Variants in TOMM20L observed in about 807,000 individuals in gnomAD.
The protein encoded by TOMM20L is TOMM20-like protein 1.
In TOMM20L, 19 loss-of-function variants were observed where a neutral mutation model predicts 20.4. The observed-to-expected ratio is 0.93, with a 90% CI of 0.65 to 1.36. The LOEUF (loss-of-function observed/expected upper bound fraction) is 1.36. Among genes scored for constraint, TOMM20L ranks in the 40% most tolerant of loss-of-function variants. The pLI, the probability that TOMM20L is intolerant of heterozygous loss-of-function variation, is 0.00. For synonymous variants in TOMM20L, 75 were observed against 79.6 expected, an observed-to-expected ratio of 0.94 and a Z score of 0.30; for missense variants, 218 against 203.7, an observed-to-expected ratio of 1.07 and a Z score of -0.43.
rs869260438 is a variant in TOMM20L, at chr14:58,399,885, C to CATATATATAT, written c.181-2760_181-2751dup. On this transcript the variant is annotated intron_variant, in intron 2 of 4. Coordinates refer to ENST00000360945, the MANE Select transcript of TOMM20L (RefSeq NM_207377.3). ...ATTCTTATTTTCAAATGCTCTATTG[C>CATATATATAT]ATATATATATATATATATATATATA... 3.2e-3 allele frequency among the ~76,000 whole-genome samples: 121 copies of CATATATATAT among 37,310 alleles called. 8 individuals are homozygous for CATATATATAT. Among genetic ancestry groups the CATATATATAT allele is most frequent in the East Asian group, 4.1e-3 (4 of 966 alleles). The allele number at this position is 37,310 out of a possible 152,430, so 24.5% of individuals were successfully genotyped here.
At chr14:58,411,824 ACTGC>A, downstream of TOMM20L, 2 of 1,320,518 alleles carry the variant, frequency 1.5e-6, no homozygotes, top group Non-Finnish European at 2.2e-6. Flanking sequence ...GATGTGAGCC[ACTGC>A]ACCCAGCCTG....
downstream of TOMM20L, chr14:58,410,792 T>TA (rs1566746452): frequency 2.4e-6 from 3 of 1,266,724 alleles, no homozygotes; most frequent in Admixed American, 2.0e-5. Context: ...GGATCCTACT[T>TA]AGAGTGTTTA....
intron 3 of TOMM20L, 41 bp from the exon 4 acceptor site, chr14:58,407,285 G>A (rs185817476): frequency 1.0e-5 from 16 of 1,555,186 alleles, no homozygotes; most frequent in Non-Finnish European, 1.4e-5. Flanking sequence ...CTGTTTTAAA[G>A]AACTTCAAAA....
At chr14:58,411,858 A>G (rs1283963976), downstream of TOMM20L, 1 of 1,555,406 alleles carries the variant, frequency 6.4e-7, no homozygotes, top group Non-Finnish European at 8.9e-7. Context: ...CATTAGTAGC[A>G]CCTTACATTT....
At chr14:58,414,736 C>CAAAAAAAAAAAA in the TOMM20L span, among the ~76,000 whole-genome samples, 2 of 117,522 alleles carry the variant, frequency 1.7e-5, no homozygotes, top group Non-Finnish European at 3.4e-5. Flanking sequence ...GACGCCATCT[C>CAAAAAAAAAAAA]AAAAAAAAAA....
At chr14:58,397,013 G>A (rs1354533902) in intron 2 of TOMM20L, among the ~76,000 whole-genome samples, 1 of 152,200 alleles carries the variant, frequency 6.6e-6, no homozygotes, top group African/African-American at 2.4e-5. Context: ...AGAATTGCTT[G>A]AGTCCGGGAG....
chr14:58,404,148 G>GTTTTTTTTTTTTTA (rs2036029099), intron 3 of TOMM20L, among the ~76,000 whole-genome samples: 1 of 2,556 alleles, frequency 3.9e-4, no homozygotes, highest in African/African-American at 2.6e-3. Context: ...TTTTTTTTTG[G>GTTTTTTTTTTTTTA]AGACGGAGTC....
intron 3 of TOMM20L, among the ~76,000 whole-genome samples, chr14:58,405,598 G>A (rs1489446903): frequency 1.3e-5 from 2 of 152,090 alleles, no homozygotes; most frequent in African/African-American, 4.8e-5. Flanking sequence ...TTAGCCTTCC[G>A]GGTTCAAGCA....
chr14:58,396,270 G>A (rs1417726203), intron 1 of TOMM20L, 28 bp from the exon 2 acceptor site: 1 of 1,612,310 alleles, frequency 6.2e-7, no homozygotes, highest in South Asian at 1.1e-5. Flanking sequence ...GGGCCTCCCA[G>A]CCAGCATGTG....
chr14:58,400,116 A>T (rs553652746), intron 2 of TOMM20L, among the ~76,000 whole-genome samples: 44 of 151,776 alleles, frequency 2.9e-4, no homozygotes, highest in African/African-American at 1.1e-3. Flanking sequence ...CAGATTAAAG[A>T]CCAGCTTTGC....
chr14:58,406,724 CTA>C (rs1220342219), intron 3 of TOMM20L, among the ~76,000 whole-genome samples: 2 of 152,120 alleles, frequency 1.3e-5, no homozygotes, highest in Non-Finnish European at 2.9e-5. Flanking sequence ...AACAGAAATC[CTA>C]TGATTAATTT....
chr14:58,416,870 G>A, the TOMM20L span, among the ~76,000 whole-genome samples: 3 of 152,170 alleles, frequency 2.0e-5, no homozygotes, highest in African/African-American at 7.2e-5. Flanking sequence ...CACTTTGGGA[G>A]GCTGAGGTGG....
chr14:58,409,666 C>T (rs1413688395), downstream of TOMM20L, among the ~76,000 whole-genome samples: 4 of 152,094 alleles, frequency 2.6e-5, no homozygotes, highest in African/African-American at 9.7e-5. Flanking sequence ...GCAAGCTCCG[C>T]CTCCTGAGTT....
intron 4 of TOMM20L, among the ~76,000 whole-genome samples, chr14:58,407,990 G>C (rs1394192890): frequency 2.0e-5 from 3 of 152,118 alleles, no homozygotes; most frequent in African/African-American, 7.2e-5. Context: ...GCAAGCCTTG[G>C]AATCTATCAT....
downstream of TOMM20L, among the ~76,000 whole-genome samples, chr14:58,410,222 C>T (rs1303493165): frequency 6.6e-6 from 1 of 152,000 alleles, no homozygotes; most frequent in Non-Finnish European, 1.5e-5. Flanking sequence ...AGGCATGTAC[C>T]AACATGTCTA....
downstream of TOMM20L, chr14:58,409,168 T>C (rs1595004577): frequency 8.7e-6 from 14 of 1,611,538 alleles, no homozygotes; most frequent in Admixed American, 2.4e-4. Flanking sequence ...GAACAGGTGG[T>C]CTAGGAATGA....
the TOMM20L span, among the ~76,000 whole-genome samples, chr14:58,414,905 G>C: frequency 1.3e-5 from 2 of 152,104 alleles, no homozygotes; most frequent in African/African-American, 2.4e-5. Context: ...GCAGTAATGA[G>C]GTACCCATCT....
the TOMM20L span, among the ~76,000 whole-genome samples, chr14:58,416,994 G>A: frequency 6.6e-6 from 1 of 152,058 alleles, no homozygotes; most frequent in Admixed American, 6.6e-5. Context: ...CCTGGTGGGA[G>A]GTAATTGAAT....
chr14:58,401,463 G>A (rs762975369), intron 2 of TOMM20L, among the ~76,000 whole-genome samples: 20 of 151,916 alleles, frequency 1.3e-4, no homozygotes, highest in African/African-American at 3.4e-4. Flanking sequence ...CCAGCTACTC[G>A]GGAGACTGAA....
Sources: allele counts gnomAD v4.1 joint callset (sites outside exome capture counted in the v4.1 genomes callset), GRCh38; gene constraint gnomAD v4.1.1; transcripts MANE v1.5; gene names NCBI Gene and HGNC (gene_info 2026-07-23, HGNC 2026-07-21).